Variants in NHLRC2 observed in about 807,000 individuals in gnomAD.
The protein encoded by NHLRC2 is NHL repeat-containing protein 2.
A neutral mutation model predicts 68.1 loss-of-function variants in NHLRC2; 33 were observed. That is an observed-to-expected ratio of 0.48 (90% CI 0.37 to 0.65). The LOEUF (loss-of-function observed/expected upper bound fraction) is 0.65, where lower values mean the gene tolerates loss of function less well. NHLRC2 is among the 30% of genes least tolerant of loss of function. The pLI is 0.00. For synonymous variants in NHLRC2, 311 were observed against 309.6 expected (o/e 1.00, Z -0.05); for missense variants, 761 against 853.8 (o/e 0.89, Z 1.35).
At chr10:113,880,054 C>T (rs961179415) in intron 4 of NHLRC2, among the ~76,000 whole-genome samples, 8 of 151,974 alleles carry the variant, frequency 5.3e-5, no homozygotes, top group African/African-American at 1.9e-4. Flanking sequence ...CCTACCATTC[C>T]TGCTTCTATT....
chr10:113,878,533 TTTC>T (rs1846006469), intron 3 of NHLRC2, among the ~76,000 whole-genome samples: 1 of 151,992 alleles, frequency 6.6e-6, no homozygotes, highest in Non-Finnish European at 1.5e-5. Flanking sequence ...TTGAGTTGGT[TTTC>T]TTTTTTTTAA....
Position 113,894,085 on chromosome 10 carries a change from A to G in NHLRC2, c.1040-4025A>G, listed in dbSNP as rs1488163367. On this transcript the variant is annotated intron_variant, in intron 5 of 10. Transcript: ENST00000369301. ...TGGTCAGATTTTGAATATATTTTGAATAAGGAGCCTACATAATTTGCTGAT... is the reference window on the plus strand; with the variant it reads ...TGGTCAGATTTTGAATATATTTTGAGTAAGGAGCCTACATAATTTGCTGAT... Among the ~76,000 whole-genome samples the G allele has an allele frequency of 2.6e-5, 4 of 152,208 alleles. No homozygotes were observed. The East Asian group carries it at 7.7e-4, about 29-fold the overall frequency.
At chr10:113,902,705 C>T (rs1057093649) in intron 8 of NHLRC2, 112 bp downstream of exon 8, 8 of 911,018 alleles carry the variant, frequency 8.8e-6, no homozygotes, top group East Asian at 2.6e-5. Context: ...AAAGGAGTAA[C>T]AGTCTTTGAC....
rs1444281241 is a variant in NHLRC2 at position 113,887,167 on chromosome 10, C to G, written c.1039+2787C>G. Among the ~76,000 whole-genome samples the G allele has an allele frequency of 2.0e-5, 3 of 152,100 alleles. No individual in the cohort carries two copies. In the East Asian group the frequency reaches 5.8e-4, roughly 29 times the overall value. Reference sequence around the variant, plus strand: ...AATTAAAGCAATGATGTGATATTACCTCACACCTGTTAGAATGACTTTATC... The same window carrying G: ...AATTAAAGCAATGATGTGATATTACGTCACACCTGTTAGAATGACTTTATC... On this transcript the variant is annotated intron_variant, in intron 5 of 10. Coordinates refer to ENST00000369301, the MANE Select transcript of NHLRC2 (RefSeq NM_198514.4).
chr10:113,905,668 CT>C (rs967166831), intron 10 of NHLRC2, among the ~76,000 whole-genome samples: 2 of 152,110 alleles, frequency 1.3e-5, no homozygotes, highest in African/African-American at 4.8e-5. Flanking sequence ...CTCTTTCACA[CT>C]TTCTCACTCA....
chr10:113,859,353 T>C (rs1474126200), intron 2 of NHLRC2, among the ~76,000 whole-genome samples: 1 of 152,102 alleles, frequency 6.6e-6, no homozygotes, highest in Non-Finnish European at 1.5e-5. Context: ...AAAAGTATCA[T>C]TTAATTAGGT....
intron 4 of NHLRC2, among the ~76,000 whole-genome samples, chr10:113,881,119 C>CT (rs1479839158): frequency 2.0e-5 from 3 of 151,696 alleles, no homozygotes; most frequent in African/African-American, 7.2e-5. Flanking sequence ...TTATCATTAT[C>CT]TTTTTGGGGT....
intron 2 of NHLRC2, 76 bp downstream of exon 2, chr10:113,858,756 TAGG>T (rs1845787393): frequency 2.0e-6 from 2 of 1,000,460 alleles, no homozygotes; most frequent in African/African-American, 1.6e-5. Flanking sequence ...CATTAGCTCA[TAGG>T]AGAATGAACA....
intron 1 of NHLRC2, among the ~76,000 whole-genome samples, chr10:113,857,983 CAGT>C (rs1201636777): frequency 8.0e-5 from 12 of 150,730 alleles, no homozygotes; most frequent in Non-Finnish European, 1.5e-5. Flanking sequence ...CCTTTATTCT[CAGT>C]AGCCCATTTG....
intron 4 of NHLRC2, among the ~76,000 whole-genome samples, chr10:113,883,503 A>G (rs1846054010): frequency 6.6e-6 from 1 of 151,962 alleles, no homozygotes; most frequent in Non-Finnish European, 1.5e-5. Flanking sequence ...ATTGAATATC[A>G]TCTCAGTGGT....
chr10:113,878,053 A>T (rs1275754233), intron 3 of NHLRC2, among the ~76,000 whole-genome samples: 1 of 152,228 alleles, frequency 6.6e-6, no homozygotes, highest in Non-Finnish European at 1.5e-5. Flanking sequence ...CTACCCAAAC[A>T]TAGTTCTAGA....
rs749189903 is a variant in NHLRC2, at chr10:113,876,649, T to G, written c.460T>G (p.Trp154Gly). Reference sequence around the variant, plus strand: ...GGTTAATGATGCAGATGCCAGCCTTTGGCAAGAACTAGAAGTTTCCTGCTG... The same window carrying G: ...GGTTAATGATGCAGATGCCAGCCTTGGGCAAGAACTAGAAGTTTCCTGCTG... ...PMVNDADASL[W>G]QELEVSCWPT... Residue 154 changes from tryptophan to glycine, a missense_variant, in exon 3 of 11, where the codon TGG (tryptophan) becomes GGG (glycine). Trp to Gly is a radical substitution (Grantham distance 184). Coordinates refer to ENST00000369301, the MANE Select transcript of NHLRC2 (RefSeq NM_198514.4). 1.2e-6 allele frequency: 2 copies of G among 1,614,012 alleles called. No homozygotes were observed. Among genetic ancestry groups the G allele is most frequent in the Non-Finnish European group, 1.7e-6 (2 of 1,179,912 alleles).
At chr10:113,859,290 AT>A (rs1211465596) in intron 2 of NHLRC2, among the ~76,000 whole-genome samples, 8 of 151,974 alleles carry the variant, frequency 5.3e-5, no homozygotes, top group Non-Finnish European at 1.2e-4. Flanking sequence ...AATTAATCAA[AT>A]TTTTTTTGTC....
intron 5 of NHLRC2, among the ~76,000 whole-genome samples, chr10:113,888,174 G>A (rs1042030284): frequency 6.6e-6 from 1 of 152,184 alleles, no homozygotes; most frequent in African/African-American, 2.4e-5. Context: ...GAAGGTATGG[G>A]GAAAGGGAAG....
At chr10:113,902,020 AAGTC>A in intron 7 of NHLRC2, 123 bp downstream of exon 7, 1 of 670,290 alleles carries the variant, frequency 1.5e-6, no homozygotes, top group Non-Finnish European at 2.5e-6. Context: ...ATCAAAATGA[AAGTC>A]AGACCAAAGG....
rs1287036028 is a variant in NHLRC2 at position 113,909,784 on chromosome 10, A to G, written c.*1248A>G. 1 of 152,188 alleles carries G rather than the reference A, an allele frequency of 6.6e-6. No homozygotes were observed. Among genetic ancestry groups the G allele is most frequent in the Admixed American group, 6.5e-5 (1 of 15,274 alleles). The allele number at this position is 152,188 out of a possible 1,614,324, so 9.4% of individuals were successfully genotyped here. ...AACATGTTTGTGATTTAATCAGCTTACAAGGGTTTAAAAACATCAGGTGAA... is the reference window on the plus strand; with the variant it reads ...AACATGTTTGTGATTTAATCAGCTTGCAAGGGTTTAAAAACATCAGGTGAA... On this transcript the variant is annotated 3_prime_UTR_variant, in exon 11 of 11. Transcript: ENST00000369301.
intron 1 of NHLRC2, 91 bp from the exon 2 acceptor site, chr10:113,858,437 C>T (rs1018366577): frequency 9.5e-6 from 8 of 841,746 alleles, no homozygotes; most frequent in African/African-American, 8.6e-5. Context: ...TTGCATTAGT[C>T]TTAAAAAAAA....
chr10:113,891,875 T>C (rs1846136315), intron 5 of NHLRC2, among the ~76,000 whole-genome samples: 1 of 152,202 alleles, frequency 6.6e-6, no homozygotes, highest in Non-Finnish European at 1.5e-5. Flanking sequence ...TTGCTGTTCC[T>C]CTCTCTGGCA....
Position 113,872,694 on chromosome 10 carries a change from A to AT in NHLRC2, c.332-3824dup, listed in dbSNP as rs538153208. The stretch of plus-strand genomic sequence containing the variant: ...ACTAAATTTGACCAAGGGACAATAA[A>AT]TTTGTATAAAAATTTATTAAGGGGC... On this transcript the variant is annotated intron_variant, in intron 2 of 10. Coordinates refer to ENST00000369301, the MANE Select transcript of NHLRC2 (RefSeq NM_198514.4). Among the ~76,000 whole-genome samples the AT allele has an allele frequency of 2.6e-4, 39 of 151,860 alleles. No individual in the cohort carries two copies. The South Asian group carries it at 8.1e-3, about 32-fold the overall frequency.
Sources: allele counts gnomAD v4.1 joint callset (sites outside exome capture counted in the v4.1 genomes callset), GRCh38; gene constraint gnomAD v4.1.1; transcripts MANE v1.5; gene names NCBI Gene and HGNC (gene_info 2026-07-23, HGNC 2026-07-21).